The following TMEM259 variants were observed in gnomAD, a reference collection of about 807,000 sequenced individuals.
TMEM259 encodes the protein transmembrane protein 259.
A neutral mutation model predicts 46.7 loss-of-function variants in TMEM259; 26 were observed. That is an observed-to-expected ratio of 0.56 (90% CI 0.41 to 0.77). TMEM259 has a LOEUF of 0.77. TMEM259 is among the 30% of genes least tolerant of loss of function. The pLI, the probability that TMEM259 is intolerant of heterozygous loss-of-function variation, is 0.00. For synonymous variants in TMEM259, 494 were observed against 395.1 expected (o/e 1.25, Z -2.97); for missense variants, 930 against 900.5 (o/e 1.03, Z -0.42).
In TMEM259 at chr19:1,010,593, C is replaced by A; in HGVS notation, c.1620G>T (p.Trp540Cys). The A allele has an allele frequency of 6.4e-7, 1 of 1,551,612 alleles. No individual in the cohort carries two copies. Residue 540 changes from tryptophan (W) to cysteine (C), a missense_variant, in exon 11 of 11, where the codon TGG becomes TGT. Physicochemically the swap from Trp to Cys is radical, Grantham distance 215 (BLOSUM62 -2). Transcript: ENST00000356663. ...TGATGATGGCAGCGGTCTCTGCCAT[C>A]CAACCCAGGTCACCACCGGCAGCTG... ...VAAAAGGDLG[W>C]MAETAAIITD...
At chr19:1,019,400 C>T (rs750259958) in intron 1 of TMEM259, among the ~76,000 whole-genome samples, 12 of 152,356 alleles carry the variant, frequency 7.9e-5, no homozygotes, top group Admixed American at 5.9e-4. Flanking sequence ...TTTCAGGCCC[C>T]GTCTGTGGAC....
chr19:1,010,984 A>G (rs2038893828), intron 10 of TMEM259, 89 bp from the exon 11 acceptor site: 1 of 1,547,020 alleles, frequency 6.5e-7, no homozygotes, highest in African/African-American at 1.4e-5. Flanking sequence ...GGGACCATCC[A>G]CGCTACCTCT....
chr19:1,015,557 C>G (rs2039080488), intron 1 of TMEM259, among the ~76,000 whole-genome samples: 1 of 152,192 alleles, frequency 6.6e-6, no homozygotes, highest in Admixed American at 6.5e-5. Context: ...CCAGGCATCA[C>G]CCCCGAGCCT....
At chr19:1,015,634 G>A (rs925356260) in intron 1 of TMEM259, among the ~76,000 whole-genome samples, 2 of 152,142 alleles carry the variant, frequency 1.3e-5, no homozygotes, top group African/African-American at 4.8e-5. Flanking sequence ...CCAAGGGGGC[G>A]CCCACGGCCA....
At chr19:1,018,293 C>T (rs2039175860) in intron 1 of TMEM259, among the ~76,000 whole-genome samples, 1 of 152,238 alleles carries the variant, frequency 6.6e-6, no homozygotes, top group Non-Finnish European at 1.5e-5. Context: ...CTCCCCAGCA[C>T]CTGGCACTGC....
At chr19:1,012,322 C>A in intron 4 of TMEM259, 134 bp from the exon 5 acceptor site, 1 of 1,498,788 alleles carries the variant, frequency 6.7e-7, no homozygotes, top group South Asian at 1.3e-5. Context: ...TCCAGGACCC[C>A]AGCCCTGGGA....
Position 1,021,058 on chromosome 19 carries a change from G to T in TMEM259, c.-62C>A. 2 of 1,281,144 alleles carry T rather than the reference G, an allele frequency of 1.6e-6. No homozygotes were observed. Among genetic ancestry groups the T allele is most frequent in the African/African-American group, 1.6e-5 (1 of 63,556 alleles). The allele number at this position is 1,281,144 out of a possible 1,614,324, so 79.4% of individuals were successfully genotyped here. A position where few individuals can be genotyped will look rare whatever the true frequency, so the allele number is the denominator to read the frequency against. ...CCGAGGGCGCCTCCCGGCCGCCATC[G>T]GCCGCCCTCGCAGCCGCCGCTCTCC... On this transcript the variant is annotated 5_prime_UTR_variant, in exon 1 of 11. Transcript: ENST00000356663.
Position 1,011,940 on chromosome 19 carries a change from C to A in TMEM259, c.894G>T (p.Trp298Cys). ...SGEHYRFVSMWMARTSYLAAF... is the reference protein window; with the variant it reads ...SGEHYRFVSMCMARTSYLAAF... ...CGGCCAGGTAGGACGTCCGCGCCAT[C>A]CACATGCTCACAAAGCGGTAGTGCT... The change falls in exon 6 of 11, where the codon TGG becomes TGT. Residue 298 changes from tryptophan to cysteine, a missense_variant. By Grantham distance (215) the Trp-to-Cys change is radical (BLOSUM62 -2). Transcript: ENST00000356663. The A allele has an allele frequency of 6.2e-7, 1 of 1,612,278 alleles. No individual in the cohort carries two copies. Among genetic ancestry groups the A allele is most frequent in the Non-Finnish European group, 8.5e-7 (1 of 1,179,636 alleles).
chr19:1,015,049 C>T (rs1475271788), intron 1 of TMEM259, among the ~76,000 whole-genome samples: 3 of 152,240 alleles, frequency 2.0e-5, no homozygotes, highest in African/African-American at 4.8e-5. Flanking sequence ...CCTCACCTTC[C>T]GCTGCGTCCC....
At chr19:1,018,831 CAAA>C (rs901638714) in intron 1 of TMEM259, among the ~76,000 whole-genome samples, 1 of 151,782 alleles carries the variant, frequency 6.6e-6, no homozygotes, top group Non-Finnish European at 1.5e-5. Flanking sequence ...ACTAAAAAGA[CAAA>C]AAAATTAGCC....
intron 1 of TMEM259, among the ~76,000 whole-genome samples, chr19:1,015,962 A>G (rs8108847): frequency 0.46 from 69,810 of 151,704 alleles, 17,012 homozygotes; most frequent in African/African-American, 0.63. Context: ...GAGCACGGAT[A>G]AAGCCCTGGG....
Position 1,010,795 on chromosome 19 carries a change from C to T in TMEM259, c.1418G>A (p.Gly473Glu). 6.4e-7 allele frequency: 1 copy of T among 1,571,690 alleles called. No individual in the cohort carries two copies. The highest frequency in any genetic ancestry group is 8.6e-7 in the Non-Finnish European group (1 of 1,167,682). Reference sequence around the variant, plus strand: ...GTCATCGGGCAGCGCCGTGGGGGTCCCGGGGCCCAGTGGCGGCGCCTGAAG... The same window carrying T: ...GTCATCGGGCAGCGCCGTGGGGGTCTCGGGGCCCAGTGGCGGCGCCTGAAG... The part of the protein sequence containing the change: ...MLLQAPPLGP[G>E]TPTALPDDMN... The change falls in exon 11 of 11, where the codon GGG becomes GAG. Residue 473 changes from glycine (G) to glutamate (E), a missense_variant. By Grantham distance (98) the Gly-to-Glu change is moderately conservative (BLOSUM62 -2). Coordinates refer to ENST00000356663, the MANE Select transcript of TMEM259 (RefSeq NM_001033026.2).
At chr19:1,011,312 C>A in intron 9 of TMEM259, 55 bp downstream of exon 9, 1 of 1,543,348 alleles carries the variant, frequency 6.5e-7, no homozygotes, top group East Asian at 2.4e-5. Context: ...CCTCTGGCAG[C>A]CCCCTACCCC....
chr19:1,018,357 C>A (rs1489861718), intron 1 of TMEM259, among the ~76,000 whole-genome samples: 3 of 152,250 alleles, frequency 2.0e-5, no homozygotes, highest in Non-Finnish European at 4.4e-5. Flanking sequence ...GGGCTCCATG[C>A]TGGCTCAGAG....
At position 1,010,397 on chromosome 19, in the gene TMEM259, G is replaced by A; in HGVS notation, c.1816C>T (p.Pro606Ser). The A allele has an allele frequency of 6.6e-7, 1 of 1,515,166 alleles. No homozygotes were observed. The highest frequency in any genetic ancestry group is 8.8e-7 in the Non-Finnish European group (1 of 1,137,362). The allele number at this position is 1,515,166 out of a possible 1,614,324, so 93.9% of individuals were successfully genotyped here. ...GCCTCCGTTGGGGCCATGGAGGCCG[G>A]GCTAGGCCCGCCTACCGCAGCCCCC... is the stretch of plus-strand genomic sequence containing the variant. ...PLGAAVGGPS[P>S]ASMAPTEAPS... Residue 606 changes from proline (P) to serine (S), a missense_variant, in exon 11 of 11, where the codon CCG (proline) becomes TCG (serine). Pro to Ser is a moderately conservative substitution (Grantham distance 74, BLOSUM62 -1). Transcript: ENST00000356663.
Position 1,010,347 on chromosome 19 carries a change from G to T in TMEM259, c.*3C>A. On this transcript the variant is annotated 3_prime_UTR_variant, in exon 11 of 11. Coordinates refer to ENST00000356663, the MANE Select transcript of TMEM259 (RefSeq NM_001033026.2). ...GGGGTCAGAGGCGGCTCAGCTGTGC[G>T]GCTCAGGACCCCACCTCCGAGGGCG... The T allele has an allele frequency of 3.4e-6, 5 of 1,477,576 alleles. No homozygotes were observed. Among genetic ancestry groups the T allele is most frequent in the Non-Finnish European group, 4.5e-6 (5 of 1,123,170 alleles). 91.5% of individuals were successfully genotyped at this position (1,477,576 alleles called of 1,614,324 possible). A position where few individuals can be genotyped will look rare whatever the true frequency, so the allele number is the denominator to read the frequency against.
rs368006103 is a variant in TMEM259 at position 1,013,302 on chromosome 19, C to A, written c.546G>T (p.Pro182=). ...LDIEPKVFKP[P]SSTEALNDSQ... is the part of the protein sequence containing the mutation. ...TGTCATTCAGGGCCTCTGTGCTACT[C>A]GGCGGCTTGAACACCTTGGGCTCGA... is the stretch of plus-strand genomic sequence containing the variant. Residue 182 remains proline, a synonymous_variant, in exon 3 of 11, where the codon CCG becomes CCT. Coordinates refer to ENST00000356663, the MANE Select transcript of TMEM259 (RefSeq NM_001033026.2). 1 of 1,613,828 alleles carries A rather than the reference C, an allele frequency of 6.2e-7. No homozygotes were observed. The highest frequency in any genetic ancestry group is 1.7e-5 in the Admixed American group (1 of 60,014).
intron 9 of TMEM259, 60 bp from the exon 10 acceptor site, chr19:1,011,255 G>A: frequency 6.5e-7 from 1 of 1,546,276 alleles, no homozygotes; most frequent in Non-Finnish European, 8.7e-7. Context: ...CCCAGCCCCT[G>A]GGGTTCCCGC....
At chr19:1,016,851 G>A (rs886552835) in intron 1 of TMEM259, among the ~76,000 whole-genome samples, 8 of 152,124 alleles carry the variant, frequency 5.3e-5, no homozygotes, top group Non-Finnish European at 1.0e-4. Context: ...TGAGTGACCC[G>A]TCCCATGAAG....
Sources: gnomAD v4.1 joint callset for allele counts (sites outside exome capture counted in the v4.1 genomes callset) on GRCh38, gnomAD v4.1.1 for gene constraint, MANE v1.5 for transcripts, NCBI Gene and HGNC (gene_info 2026-07-23, HGNC 2026-07-21) for gene names.